FAAH2: variants seen among roughly 807,000 people sequenced by gnomAD.
FAAH2 encodes the protein fatty-acid amide hydrolase 2.
A neutral mutation model predicts 36.9 loss-of-function variants in FAAH2; 60 were observed. That is an observed-to-expected ratio of 1.63 (90% confidence interval 1.32 to 2.02). The LOEUF is 2.02. Ranked by LOEUF, FAAH2 falls within the 30% of genes most tolerant of loss-of-function variation. FAAH2 has a pLI of 0.00. For missense variants in FAAH2, 689 were observed against 397.5 expected (o/e 1.73, Z -6.23); for synonymous variants, 214 against 143.8 (o/e 1.49, Z -3.49).
chrX:57,386,979 G>A (rs139897286), intron 7 of FAAH2, among the ~76,000 whole-genome samples: 1 of 111,989 alleles, frequency 8.9e-6, no homozygotes, highest in South Asian at 3.7e-4. Flanking sequence ...ATTTCATATT[G>A]GATAAGTTTA....
At chrX:57,266,831 T>G in the FAAH2 span, among the ~76,000 whole-genome samples, 2 of 111,829 alleles carry the variant, frequency 1.8e-5, no homozygotes, top group African/African-American at 6.5e-5. Flanking sequence ...GCCCAGGGGG[T>G]TTAGTGCAAG....
chrX:57,446,488 C>T (rs1486828172), intron 8 of FAAH2, among the ~76,000 whole-genome samples: 2 of 111,718 alleles, frequency 1.8e-5, no homozygotes, highest in South Asian at 3.7e-4. Context: ...GATTTTAGTA[C>T]ATTTAGAGTT....
chrX:57,481,798 T>C (rs902020339), intron 10 of FAAH2, among the ~76,000 whole-genome samples: 1 of 112,100 alleles, frequency 8.9e-6, no homozygotes, highest in Non-Finnish European at 1.9e-5. Flanking sequence ...TCAGGATTAG[T>C]TGTTCTCTTC....
the FAAH2 span, among the ~76,000 whole-genome samples, chrX:57,162,730 G>A: frequency 9.0e-6 from 1 of 111,613 alleles, no homozygotes; most frequent in Non-Finnish European, 1.9e-5. Flanking sequence ...TTAAGCACTT[G>A]TCTGTATTGG....
At chrX:57,183,395 C>T in the FAAH2 span, among the ~76,000 whole-genome samples, 4 of 110,698 alleles carry the variant, frequency 3.6e-5, no homozygotes, top group Non-Finnish European at 5.7e-5. Flanking sequence ...TCAAATTATA[C>T]GTTCTTAAAA....
chrX:57,269,792 C>A, the FAAH2 span, among the ~76,000 whole-genome samples: 1 of 111,235 alleles, frequency 9.0e-6, no homozygotes, highest in African/African-American at 3.3e-5. Context: ...CTCAAGTTAA[C>A]AACCTAACTT....
chrX:57,431,621 G>A (rs2056296384), intron 7 of FAAH2, among the ~76,000 whole-genome samples: 1 of 110,950 alleles, frequency 9.0e-6, no homozygotes, highest in African/African-American at 3.3e-5. Context: ...TGCTGTGTTA[G>A]AGAGGGAGTG....
At chrX:57,156,680 A>G in the FAAH2 span, among the ~76,000 whole-genome samples, 1 of 112,006 alleles carries the variant, frequency 8.9e-6, no homozygotes, top group African/African-American at 3.2e-5. Context: ...GGAAAAGATA[A>G]GAGAGAATTC....
At chrX:57,230,498 C>T in the FAAH2 span, among the ~76,000 whole-genome samples, 11 of 111,735 alleles carry the variant, frequency 9.8e-5, no homozygotes, top group Non-Finnish European at 2.1e-4. Flanking sequence ...TCTCTTTTTC[C>T]TATTTCTTTG....
At chrX:57,307,036 C>T (rs1446383683) in intron 2 of FAAH2, among the ~76,000 whole-genome samples, 3 of 19,088 alleles carry the variant, frequency 1.6e-4, no homozygotes, top group Non-Finnish European at 2.3e-4. Flanking sequence ...CCTCTGAGTA[C>T]CGCTGGCCCA....
upstream of FAAH2, among the ~76,000 whole-genome samples, chrX:57,284,689 G>A (rs1252096630): frequency 1.8e-5 from 2 of 110,982 alleles, no homozygotes; most frequent in African/African-American, 6.6e-5. Flanking sequence ...GTGATATGTT[G>A]CCAACAATGG....
At chrX:57,126,806 CT>C in the FAAH2 span, 7 of 111,368 alleles carry the variant, frequency 6.3e-5, no homozygotes, top group African/African-American at 2.3e-4. Context: ...CATAGTATGT[CT>C]GCTGGAAGAC....
At chrX:57,323,682 G>GTT (rs141756561) in intron 3 of FAAH2, among the ~76,000 whole-genome samples, 60 of 63,487 alleles carry the variant, frequency 9.5e-4, no homozygotes, top group African/African-American at 2.4e-3. Context: ...TGATGGGGTT[G>GTT]TTTTTTTTTT....
At chrX:57,431,500 A>T (rs1207362385) in intron 7 of FAAH2, among the ~76,000 whole-genome samples, 1 of 111,672 alleles carries the variant, frequency 9.0e-6, no homozygotes, top group African/African-American at 3.2e-5. Flanking sequence ...AAGACACAAC[A>T]GTCCCTCAGA....
chrX:57,270,348 G>C, the FAAH2 span, among the ~76,000 whole-genome samples: 9 of 111,597 alleles, frequency 8.1e-5, no homozygotes, highest in Non-Finnish European at 1.5e-4. Flanking sequence ...GAGAATGGAC[G>C]CCTCCTTAAT....
Position 57,433,278 on chromosome X carries a change from C to A in FAAH2, c.1116+1241C>A, listed in dbSNP as rs2056342448. On this transcript the variant is annotated intron_variant, in intron 8 of 10. Transcript: ENST00000374900. ...GGAAAGAAAAAGAGGGGGGAAAAAT[C>A]TGCTCTCCTCTTACTTTTTTATGAT... Among the ~76,000 whole-genome samples the A allele has an allele frequency of 4.5e-5, 5 of 110,326 alleles. No homozygotes were observed. The Admixed American group carries it at 4.8e-4, about 11-fold the overall frequency.
chrX:57,152,916 C>CCCA, the FAAH2 span, among the ~76,000 whole-genome samples: 1 of 110,329 alleles, frequency 9.1e-6, no homozygotes, highest in African/African-American at 3.4e-5. Context: ...TGGCTCCCCC[C>CCCA]CCGCTGACCT....
chrX:57,411,462 C>A (rs1432616743), intron 7 of FAAH2, among the ~76,000 whole-genome samples: 1 of 109,968 alleles, frequency 9.1e-6, no homozygotes, highest in Non-Finnish European at 1.9e-5. Context: ...GTGTGGGGTC[C>A]TCAGGTAAGT....
chrX:57,301,383 G>A (rs1392172338), intron 2 of FAAH2, among the ~76,000 whole-genome samples: 1 of 101,209 alleles, frequency 9.9e-6, no homozygotes, highest in Non-Finnish European at 2.0e-5. Flanking sequence ...AACACCACAT[G>A]TTCTCACTCA....
Sources: allele counts gnomAD v4.1 joint callset (sites outside exome capture counted in the v4.1 genomes callset), GRCh38; gene constraint gnomAD v4.1.1; transcripts MANE v1.5; gene names NCBI Gene and HGNC (gene_info 2026-07-23, HGNC 2026-07-21).